RIMS1: variants seen among roughly 807,000 people sequenced by gnomAD.
RIMS1 encodes the protein regulating synaptic membrane exocytosis 1, also known as regulating synaptic membrane exocytosis protein 1.
In RIMS1, 83 loss-of-function variants were observed where a neutral mutation model predicts 214.1. The ratio of observed to expected loss-of-function variants is 0.39; its 90% CI spans 0.32 to 0.47. The LOEUF (loss-of-function observed/expected upper bound fraction) is 0.47. Among genes scored for constraint, RIMS1 ranks in the 20% least tolerant of loss-of-function variants. The probability of loss-of-function intolerance (pLI) is 0.99; values close to 1 mark genes in which losing one functional copy is unlikely to be tolerated. For synonymous variants in RIMS1, 793 were observed against 786.8 expected, an observed-to-expected ratio of 1.01 and a Z score of -0.13; for missense variants, 2,050 against 2,161.8, an observed-to-expected ratio of 0.95 and a Z score of 1.03.
intron 2 of RIMS1, among the ~76,000 whole-genome samples, chr6:71,974,318 T>G (rs1036046550): frequency 6.6e-5 from 10 of 151,970 alleles, no homozygotes; most frequent in African/African-American, 2.4e-4. Flanking sequence ...TGCGTATAGG[T>G]GTAAGTGTGT....
intron 29 of RIMS1, among the ~76,000 whole-genome samples, chr6:72,339,435 C>G (rs1477189594): frequency 6.6e-6 from 1 of 150,936 alleles, no homozygotes; most frequent in Non-Finnish European, 1.5e-5. Context: ...CCTCCCCTAT[C>G]CCCCCACCCC....
intron 2 of RIMS1, among the ~76,000 whole-genome samples, chr6:72,076,992 G>T (rs371770161): frequency 1.2e-3 from 184 of 152,164 alleles, no homozygotes; most frequent in African/African-American, 4.2e-3. Flanking sequence ...GGTTCTCAAG[G>T]CCTTCTTGAC....
chr6:72,006,645 T>A (rs1807766129), intron 2 of RIMS1, among the ~76,000 whole-genome samples: 1 of 151,990 alleles, frequency 6.6e-6, no homozygotes, highest in South Asian at 2.1e-4. Flanking sequence ...GCTTTTCCAA[T>A]GGTCTTAGCA....
chr6:72,217,179 T>C, intron 6 of RIMS1: 1 of 1,536,884 alleles, frequency 6.5e-7, no homozygotes. Flanking sequence ...ACCACTCCGA[T>C]GCTGCTGTTA....
chr6:72,018,451 A>T (rs1278238658), intron 2 of RIMS1, among the ~76,000 whole-genome samples: 1 of 152,152 alleles, frequency 6.6e-6, no homozygotes, highest in Non-Finnish European at 1.5e-5. Context: ...GATTTTAGAC[A>T]CGATAAATCT....
At chr6:71,959,950 A>G (rs547099190) in intron 1 of RIMS1, among the ~76,000 whole-genome samples, 6 of 152,116 alleles carry the variant, frequency 3.9e-5, no homozygotes, top group African/African-American at 1.4e-4. Flanking sequence ...ATGTGACATG[A>G]CCAAAAGCAT....
chr6:72,158,288 T>G lies in RIMS1; in HGVS notation c.472-21287T>G, dbSNP rs2044721295. Among the ~76,000 whole-genome samples, 2 of 141,324 alleles carry G rather than the reference T, an allele frequency of 1.4e-5. 1 individual carries two copies. The highest frequency in any genetic ancestry group is 3.2e-5 in the Non-Finnish European group (2 of 62,136). The allele number at this position is 141,324 out of a possible 152,430, so 92.7% of individuals were successfully genotyped here. On this transcript the variant is annotated intron_variant, in intron 4 of 33. Coordinates refer to ENST00000521978, the MANE Select transcript of RIMS1 (RefSeq NM_014989.7). ...GAATTCCATTTGACATTTATTTTCC[T>G]ACATCACCAAAGTATAATTGCATTG...
At chr6:72,052,201 A>G (rs1260432691) in intron 2 of RIMS1, among the ~76,000 whole-genome samples, 1 of 152,178 alleles carries the variant, frequency 6.6e-6, no homozygotes, top group Non-Finnish European at 1.5e-5. Flanking sequence ...TCCTCACAAT[A>G]TTAGAGGGAT....
intron 4 of RIMS1, among the ~76,000 whole-genome samples, chr6:72,107,534 C>T (rs2035010633): frequency 6.6e-6 from 1 of 151,998 alleles, no homozygotes; most frequent in Non-Finnish European, 1.5e-5. Context: ...GTACTCCAGC[C>T]TGGGCAACAG....
rs550804899 is a variant in RIMS1 at position 72,088,192 on chromosome 6, CATTA to C, written c.246-8753_246-8750del. ...CATTCTTCTGCCCAAACTTCACTTGCATTAATTTTTATTTTATTTATTTACTTTA... is the reference window on the plus strand; with the variant it reads ...CATTCTTCTGCCCAAACTTCACTTGCATTTTTATTTTATTTATTTACTTTA... On this transcript the variant is annotated intron_variant, in intron 2 of 33. Coordinates refer to ENST00000521978, the MANE Select transcript of RIMS1 (RefSeq NM_014989.7). 1.9e-4 allele frequency among the ~76,000 whole-genome samples: 29 copies of C among 150,818 alleles called. 1 individual carries two copies. The South Asian group carries it at 5.9e-3, about 31-fold the overall frequency.
intron 26 of RIMS1, among the ~76,000 whole-genome samples, chr6:72,294,300 T>TA (rs1203770522): frequency 2.0e-5 from 3 of 151,774 alleles, no homozygotes; most frequent in African/African-American, 7.2e-5. Flanking sequence ...GCTGTAGAAT[T>TA]ATGCCATTTT....
intron 29 of RIMS1, among the ~76,000 whole-genome samples, chr6:72,339,734 G>A (rs969035226): frequency 2.6e-5 from 4 of 151,878 alleles, no homozygotes; most frequent in East Asian, 1.9e-4. Flanking sequence ...GAATAGTGCC[G>A]CAATAAACGT....
chr6:72,008,214 A>G (rs554826964), intron 2 of RIMS1, among the ~76,000 whole-genome samples: 2 of 152,260 alleles, frequency 1.3e-5, no homozygotes, highest in South Asian at 4.1e-4. Context: ...TTTCATATCC[A>G]GCCAAACTAA....
chr6:72,113,302 C>T (rs990013362), intron 4 of RIMS1, among the ~76,000 whole-genome samples: 3 of 152,206 alleles, frequency 2.0e-5, no homozygotes, highest in South Asian at 2.1e-4. Context: ...GCTTGATTCT[C>T]GTCTGTATGA....
At chr6:72,011,205 C>T (rs866294734) in intron 2 of RIMS1, among the ~76,000 whole-genome samples, 46 of 152,188 alleles carry the variant, frequency 3.0e-4, no homozygotes, top group Middle Eastern at 3.4e-3. Context: ...CTTTGACAAA[C>T]CTGACAAAAA....
chr6:71,887,597 G>T (rs1001520009), intron 1 of RIMS1, among the ~76,000 whole-genome samples: 3 of 152,154 alleles, frequency 2.0e-5, no homozygotes, highest in African/African-American at 4.8e-5. Context: ...AGGTGCTGAG[G>T]ACAGCTCCTC....
chr6:72,038,854 A>AT (rs1316277698), intron 2 of RIMS1, among the ~76,000 whole-genome samples: 2 of 152,172 alleles, frequency 1.3e-5, no homozygotes, highest in Non-Finnish European at 2.9e-5. Context: ...TCAAGTTACC[A>AT]TAATGAGGTG....
intron 2 of RIMS1, among the ~76,000 whole-genome samples, chr6:71,979,321 T>C (rs932647728): frequency 5.3e-5 from 8 of 152,126 alleles, no homozygotes; most frequent in African/African-American, 1.9e-4. Context: ...TGGCAACAGC[T>C]GAGATTTGAT....
At chr6:72,390,332 A>G (rs1209087980) in intron 29 of RIMS1, among the ~76,000 whole-genome samples, 1 of 152,324 alleles carries the variant, frequency 6.6e-6, no homozygotes, top group Non-Finnish European at 1.5e-5. Context: ...GTCACCATCA[A>G]TAATACAATG....
Sources: allele counts gnomAD v4.1 joint callset (sites outside exome capture counted in the v4.1 genomes callset), GRCh38; gene constraint gnomAD v4.1.1; transcripts MANE v1.5; gene names NCBI Gene and HGNC (gene_info 2026-07-23, HGNC 2026-07-21).